Variants in RNF130 observed in about 807,000 individuals in gnomAD.
RNF130 encodes the protein E3 ubiquitin-protein ligase RNF130.
RNF130 carries 21 observed loss-of-function variants against 44.6 expected under a neutral mutation model. The ratio of observed to expected loss-of-function variants is 0.47; its 90% confidence interval spans 0.33 to 0.68. RNF130 has a LOEUF of 0.68. RNF130 is among the 30% of genes least tolerant of loss of function. The probability of loss-of-function intolerance (pLI) is 0.02; values close to 1 mark genes in which losing one functional copy is unlikely to be tolerated. For missense variants in RNF130, 479 were observed against 560.6 expected (o/e 0.85, Z 1.47); for synonymous variants, 214 against 210.4 (o/e 1.02, Z -0.15).
At chr5:180,051,320 G>A (rs1764684471) in intron 1 of RNF130, among the ~76,000 whole-genome samples, 1 of 151,428 alleles carries the variant, frequency 6.6e-6, no homozygotes, top group African/African-American at 2.4e-5. Flanking sequence ...TGCGATCTCG[G>A]CTCACTGCAA....
At chr5:180,041,869 G>A (rs974049253) in intron 1 of RNF130, among the ~76,000 whole-genome samples, 1 of 152,140 alleles carries the variant, frequency 6.6e-6, no homozygotes, top group Non-Finnish European at 1.5e-5. Flanking sequence ...TTGAGCCCAG[G>A]AGTTTGAGAC....
At position 179,955,479 on chromosome 5, in the gene RNF130, C is replaced by A. The variant is rs756874266; in HGVS notation, c.*175G>T. 1 of 546,612 alleles carries A rather than the reference C, an allele frequency of 1.8e-6. No individual in the cohort carries two copies. Among genetic ancestry groups the A allele is most frequent in the Admixed American group, 3.4e-5 (1 of 29,196 alleles). 33.9% of individuals were successfully genotyped at this position (546,612 alleles called of 1,614,324 possible). A position where few individuals can be genotyped will look rare whatever the true frequency, so the allele number is the denominator to read the frequency against. ...GGTTAATAAGACTCAACAGCACAGA[C>A]TTTTTATTTTATTATTTATTTCTTT... On this transcript the variant is annotated 3_prime_UTR_variant, in exon 9 of 9. Transcript: ENST00000521389.
chr5:180,043,545 C>T (rs1347748148), intron 1 of RNF130, among the ~76,000 whole-genome samples: 1 of 152,050 alleles, frequency 6.6e-6, no homozygotes, highest in Non-Finnish European at 1.5e-5. Context: ...ATCTTTTTTA[C>T]CTCTTTCGAC....
intron 2 of RNF130, among the ~76,000 whole-genome samples, chr5:180,033,862 C>T (rs1764190465): frequency 6.6e-6 from 1 of 152,118 alleles, no homozygotes; most frequent in Non-Finnish European, 1.5e-5. Flanking sequence ...TTCTGCCTTT[C>T]CCAACTGGAT....
At position 180,071,534 on chromosome 5, in the gene RNF130, C is replaced by A; in HGVS notation, c.169G>T (p.Asp57Tyr). 1.4e-6 allele frequency: 2 copies of A among 1,385,896 alleles called. No individual in the cohort carries two copies. Among genetic ancestry groups the A allele is most frequent in the South Asian group, 1.8e-5 (1 of 55,448 alleles). The allele number at this position is 1,385,896 out of a possible 1,614,324, so 85.8% of individuals were successfully genotyped here. ...GAGTCAAGCCCGTAGCGCCCGCGGT[C>A]GATGCGAAACGTGAGCGGGGCGCCG... ...GRGAPLTFRI[D>Y]RGRYGLDSPK... is the part of the protein sequence containing the mutation. The change falls in exon 1 of 9, where the codon GAC (aspartate) becomes TAC (tyrosine). Residue 57 changes from aspartate (D) to tyrosine (Y), a missense_variant. This residue lies in a region of RNF130 where 138 missense variants were observed against 126.9 expected (regional missense o/e 1.09). Coordinates refer to ENST00000521389, the MANE Select transcript of RNF130 (RefSeq NM_018434.6).
exon 8 of RNF130, chr5:179,920,201 G>A (rs1673010472): frequency 1.7e-6 from 1 of 604,214 alleles, no homozygotes. Context: ...ACCTGTGCTT[G>A]GAAAGTGCTG....
chr5:179,940,622 C>G (rs188165613), intron 7 of RNF130, among the ~76,000 whole-genome samples: 3 of 151,984 alleles, frequency 2.0e-5, no homozygotes, highest in Admixed American at 1.3e-4. Flanking sequence ...GATAAAGTAT[C>G]TTTTTCTCTG....
At chr5:179,922,097 A>T (rs1582121132) in intron 7 of RNF130, among the ~76,000 whole-genome samples, 1 of 151,852 alleles carries the variant, frequency 6.6e-6, no homozygotes, top group Non-Finnish European at 1.5e-5. Flanking sequence ...TCCTTTTCAT[A>T]CTCACAAACA....
At chr5:180,008,151 G>C (rs1302484361) in intron 3 of RNF130, among the ~76,000 whole-genome samples, 1 of 151,666 alleles carries the variant, frequency 6.6e-6, no homozygotes, top group Non-Finnish European at 1.5e-5. Flanking sequence ...CTCCAACCTG[G>C]AACAGCCAAC....
rs541132505 is a variant in RNF130 at position 179,957,626 on chromosome 5, G to T, written c.1245-1957C>A. 4.4e-3 allele frequency among the ~76,000 whole-genome samples: 670 copies of T among 152,266 alleles called. 4 individuals are homozygous for T. The highest frequency in any genetic ancestry group is 7.1e-3 in the Admixed American group (109 of 15,296). On this transcript the variant is annotated intron_variant, in intron 8 of 8. Transcript: ENST00000521389. The stretch of plus-strand genomic sequence containing the variant: ...GGTTGGAACCAGAGGTGCTGGGTTT[G>T]AATTCCAGTGGCCTTCTTCCTATGG...
chr5:179,942,572 A>T (rs1761980420), intron 7 of RNF130, among the ~76,000 whole-genome samples: 1 of 152,242 alleles, frequency 6.6e-6, no homozygotes, highest in African/African-American at 2.4e-5. Context: ...AAAGAATTTT[A>T]GACATTTTAA....
At chr5:179,966,678 AAC>A (rs1466477739) in intron 7 of RNF130, 126 bp downstream of exon 7, 14 of 743,462 alleles carry the variant, frequency 1.9e-5, no homozygotes, top group Non-Finnish European at 2.9e-5. Flanking sequence ...TTTTAACAGC[AAC>A]ACACATCACT....
chr5:179,963,198 A>T (rs1190932349), intron 8 of RNF130, among the ~76,000 whole-genome samples: 1 of 152,248 alleles, frequency 6.6e-6, no homozygotes, highest in East Asian at 1.9e-4. Flanking sequence ...TGCCACTTGC[A>T]TTACACTGCT....
intron 3 of RNF130, among the ~76,000 whole-genome samples, chr5:179,995,921 G>A (rs1271831118): frequency 1.3e-5 from 2 of 152,212 alleles, no homozygotes; most frequent in East Asian, 3.8e-4. Flanking sequence ...AAGTGGGTTA[G>A]GCATGCTGGA....
intron 2 of RNF130, among the ~76,000 whole-genome samples, chr5:180,023,527 A>G (rs1212329545): frequency 6.6e-6 from 1 of 152,172 alleles, no homozygotes; most frequent in Non-Finnish European, 1.5e-5. Flanking sequence ...GTGCTCAAAA[A>G]CTAAACTAAA....
chr5:180,013,764 A>G (rs752019265), intron 2 of RNF130, among the ~76,000 whole-genome samples: 13 of 152,338 alleles, frequency 8.5e-5, no homozygotes, highest in Non-Finnish European at 1.6e-4. Flanking sequence ...TTTTTATAGC[A>G]TAAATTGGTA....
chr5:179,970,606 CCTTTCAGGACATATTT>C (rs1762560116), intron 5 of RNF130, 100 bp from the exon 6 acceptor site: 15 of 828,514 alleles, frequency 1.8e-5, no homozygotes, highest in Non-Finnish European at 2.5e-5. Context: ...TTCTTTTCCC[CCTTTCAGGACATATTT>C]TAAGCCCCAA....
intron 7 of RNF130, among the ~76,000 whole-genome samples, chr5:179,941,681 T>G (rs42414): frequency 0.64 from 97,977 of 152,042 alleles, 32,719 homozygotes; most frequent in African/African-American, 0.81. Context: ...TAGGATCTTT[T>G]CTCCTCAAGT....
chr5:179,988,977 A>G (rs895066576), intron 3 of RNF130, among the ~76,000 whole-genome samples: 2 of 152,170 alleles, frequency 1.3e-5, no homozygotes, highest in African/African-American at 4.8e-5. Context: ...CAGCGGGTGT[A>G]TTAGTCCGTT....
Sources: allele counts gnomAD v4.1 joint callset (sites outside exome capture counted in the v4.1 genomes callset), GRCh38; gene constraint gnomAD v4.1.1; regional missense constraint gnomAD v4.1.1; transcripts MANE v1.5; gene names NCBI Gene and HGNC (gene_info 2026-07-23, HGNC 2026-07-21).